MGA: variants seen among roughly 807,000 people sequenced by gnomAD.
The protein encoded by MGA is MAX gene-associated protein.
Under a neutral mutation model 261.1 loss-of-function variants are expected in MGA, and 40 were observed. The observed-to-expected ratio is 0.15, with a 90% CI of 0.12 to 0.20. The LOEUF (loss-of-function observed/expected upper bound fraction) is 0.20. Ranked by LOEUF, MGA falls within the 10% of genes least tolerant of loss-of-function variation. The pLI is 1.00. For synonymous variants in MGA, 1,302 were observed against 1,290.6 expected (o/e 1.01, Z -0.19); for missense variants, 3,397 against 3,630.5 (o/e 0.94, Z 1.65).
At chr15:41,646,243 A>C (rs1212597018) in intron 1 of MGA, among the ~76,000 whole-genome samples, 1 of 152,190 alleles carries the variant, frequency 6.6e-6, no homozygotes, top group East Asian at 1.9e-4. Flanking sequence ...GATATTCAGA[A>C]GCTTACTTTC....
At chr15:41,711,473 T>G (rs2060381062) in intron 8 of MGA, 124 bp downstream of exon 8, 4 of 946,986 alleles carry the variant, frequency 4.2e-6, no homozygotes, top group Non-Finnish European at 6.1e-6. Context: ...TTTAGAACCT[T>G]CATGGGAACT....
At chr15:41,624,130 TCTC>T (rs1003461743) in intron 1 of MGA, among the ~76,000 whole-genome samples, 10 of 151,374 alleles carry the variant, frequency 6.6e-5, no homozygotes, top group African/African-American at 2.2e-4. Context: ...AGTGGCATGA[TCTC>T]GGCTTACTGC....
chr15:41,690,661 C>T (rs1455047736), intron 2 of MGA, among the ~76,000 whole-genome samples: 1 of 151,988 alleles, frequency 6.6e-6, no homozygotes, highest in Non-Finnish European at 1.5e-5. Context: ...TTGAGACCAG[C>T]CTGGTCAACA....
rs561451745 is a variant in MGA at position 41,646,875 on chromosome 15, A to G, written c.-67-21953A>G. ...ACCTGTATGTGTACACTGGTTAGCA[A>G]TGTAGTTTTTACTGAGTCACAGTCA... On this transcript the variant is annotated intron_variant, in intron 1 of 8. Coordinates refer to the MGA transcript ENST00000566718. Among the ~76,000 whole-genome samples the G allele has an allele frequency of 4.5e-4, 69 of 152,262 alleles. No homozygotes were observed. The South Asian group carries it at 0.011, about 24-fold the overall frequency.
chr15:41,633,653 A>G (rs998967297), intron 1 of MGA, among the ~76,000 whole-genome samples: 1 of 152,148 alleles, frequency 6.6e-6, no homozygotes, highest in Admixed American at 6.5e-5. Flanking sequence ...GAACTCCTGA[A>G]ATCAAGTGAT....
At chr15:41,623,804 C>T (rs1253000852) in intron 1 of MGA, among the ~76,000 whole-genome samples, 16 of 141,518 alleles carry the variant, frequency 1.1e-4, no homozygotes, top group African/African-American at 2.9e-4. Context: ...GAGGGAGTTT[C>T]GGGCTTGTCC....
chr15:41,672,020 A>G (rs1307154512), intron 2 of MGA, among the ~76,000 whole-genome samples: 1 of 152,244 alleles, frequency 6.6e-6, no homozygotes, highest in African/African-American at 2.4e-5. Context: ...TAAGATTTAA[A>G]CAGTTGACCA....
intron 1 of MGA, among the ~76,000 whole-genome samples, chr15:41,653,737 A>G (rs2057113662): frequency 6.6e-6 from 1 of 152,034 alleles, no homozygotes; most frequent in Non-Finnish European, 1.5e-5. Flanking sequence ...AAGAAAAAAA[A>G]AACCCTTTTG....
chr15:41,706,508 G>C (rs888759893), intron 5 of MGA, among the ~76,000 whole-genome samples: 7 of 150,994 alleles, frequency 4.6e-5, no homozygotes, highest in African/African-American at 1.7e-4. Context: ...CACTACGTGA[G>C]CTTTTTACTG....
intron 1 of MGA, among the ~76,000 whole-genome samples, chr15:41,666,640 A>G (rs1338606114): frequency 6.6e-6 from 1 of 152,230 alleles, no homozygotes; most frequent in Admixed American, 6.5e-5. Context: ...ACTCTTCTGA[A>G]CATTTTACGC....
At chr15:41,673,156 A>G (rs142619817) in intron 2 of MGA, among the ~76,000 whole-genome samples, 1,992 of 152,086 alleles carry the variant, frequency 0.013, 39 homozygotes, top group African/African-American at 0.046. Context: ...ATATTCAGAT[A>G]TTTATTACAT....
At position 41,736,709 on chromosome 15, in the gene MGA, T is replaced by A. The variant is rs1279631007; in HGVS notation, c.4434+11T>A. On this transcript the variant is annotated intron_variant, in intron 13 of 23. Coordinates refer to ENST00000219905, the MANE Select transcript of MGA (RefSeq NM_001164273.2). Reference sequence around the variant, plus strand: ...TCTGGGCTTATCCAGGTGAGAATTATCTTTAATCTGGGTATAGCACCTTTG... The same window carrying A: ...TCTGGGCTTATCCAGGTGAGAATTAACTTTAATCTGGGTATAGCACCTTTG... 1.9e-6 allele frequency: 3 copies of A among 1,584,682 alleles called. No individual in the cohort carries two copies. The Admixed American group carries it at 5.4e-5, about 28-fold the overall frequency.
At chr15:41,728,428 T>G (rs527298884) in intron 10 of MGA, among the ~76,000 whole-genome samples, 1 of 152,290 alleles carries the variant, frequency 6.6e-6, no homozygotes, top group Admixed American at 6.5e-5. Flanking sequence ...CCCCCAAAAC[T>G]GAACTCTTAA....
chr15:41,686,427 A>G (rs1251375691), intron 2 of MGA, among the ~76,000 whole-genome samples: 1 of 152,066 alleles, frequency 6.6e-6, no homozygotes, highest in South Asian at 2.1e-4. Flanking sequence ...GCTACTTGAG[A>G]GGCTGAGGTG....
At chr15:41,740,767 G>A (rs1004046788) in intron 14 of MGA, among the ~76,000 whole-genome samples, 1 of 152,188 alleles carries the variant, frequency 6.6e-6, no homozygotes, top group African/African-American at 2.4e-5. Context: ...TAGGCTTAAA[G>A]TGGAAAGCTC....
intron 15 of MGA, among the ~76,000 whole-genome samples, chr15:41,743,395 G>A (rs570572849): frequency 6.6e-6 from 1 of 152,308 alleles, no homozygotes; most frequent in Non-Finnish European, 1.5e-5. Context: ...GAAAATATAT[G>A]CAGTTTTATA....
intron 22 of MGA, 77 bp downstream of exon 22, chr15:41,762,439 TCCACA>T: frequency 1.4e-6 from 1 of 723,842 alleles, no homozygotes. Flanking sequence ...CCTTCTCTTG[TCCACA>T]TTTTTAGTTT....
Position 41,696,705 on chromosome 15 carries a change from A to C in MGA, c.1695A>C (p.Ile565=), listed in dbSNP as rs753004500. ...CTGACAGCATTAGCACAGAAAGAAT[A>C]CTCGACGATTCAAAGGATTCAGTTG... Residue 565 remains isoleucine (I), a synonymous_variant, in exon 3 of 24, where the codon ATA becomes ATC. Coordinates refer to ENST00000219905, the MANE Select transcript of MGA (RefSeq NM_001164273.2). The C allele has an allele frequency of 6.2e-7, 1 of 1,612,742 alleles. No individual in the cohort carries two copies.
intron 1 of MGA, among the ~76,000 whole-genome samples, chr15:41,637,574 C>T (rs189002310): frequency 5.9e-5 from 9 of 152,212 alleles, no homozygotes; most frequent in Admixed American, 3.9e-4. Context: ...TTGTGTCCAA[C>T]GACTCCTGTG....
Sources: gnomAD v4.1 joint callset for allele counts (sites outside exome capture counted in the v4.1 genomes callset) on GRCh38, gnomAD v4.1.1 for gene constraint, MANE v1.5 for transcripts, NCBI Gene and HGNC (gene_info 2026-07-23, HGNC 2026-07-21) for gene names.